Variants in ZNF486 observed in about 807,000 individuals in gnomAD.
ZNF486 encodes zinc finger protein 486.
In ZNF486, 12 loss-of-function variants were observed where a neutral mutation model predicts 12.8. That is an observed-to-expected ratio of 0.94 (90% confidence interval 0.60 to 1.52). ZNF486 has a LOEUF of 1.52. Among genes scored for constraint, ZNF486 ranks in the 40% most tolerant of loss-of-function variants. The probability of loss-of-function intolerance (pLI) is 0.00; values close to 1 mark genes in which losing one functional copy is unlikely to be tolerated. For missense variants in ZNF486, 738 were observed against 545.0 expected (o/e 1.35, Z -3.53); for synonymous variants, 231 against 184.9 (o/e 1.25, Z -2.02).
intron 3 of ZNF486, among the ~76,000 whole-genome samples, chr19:20,186,801 T>TTTTTG (rs2089852474): frequency 6.7e-6 from 1 of 150,166 alleles, no homozygotes; most frequent in Non-Finnish European, 1.5e-5. Context: ...TTTTTTTTTT[T>TTTTTG]GAGAAGGAGT....
intron 3 of ZNF486, chr19:20,188,585 G>T (rs1440213213): frequency 5.0e-6 from 2 of 397,458 alleles, no homozygotes; most frequent in East Asian, 7.1e-5. Context: ...TTGGGAGATG[G>T]AGGGGGAGTC....
chr19:20,168,441 G>A (rs2089609273), intron 1 of ZNF486, among the ~76,000 whole-genome samples: 1 of 152,174 alleles, frequency 6.6e-6, no homozygotes, highest in Non-Finnish European at 1.5e-5. Flanking sequence ...GATCACCTGA[G>A]TTCGGGAGTT....
rs782362883 is a variant in ZNF486 at position 20,184,421 on chromosome 19, T to A, written c.96T>A (p.Thr32=). The A allele has an allele frequency of 1.1e-5, 17 of 1,613,680 alleles. No individual in the cohort carries two copies. The South Asian group carries it at 1.8e-4, about 17-fold the overall frequency. ...FSLEEWHCLD[T]AQQNLYRDVM... Reference sequence around the variant, plus strand: ...TGGAGGAGTGGCATTGCCTGGACACTGCACAGCAGAATTTATATAGGGATG... The same window carrying A: ...TGGAGGAGTGGCATTGCCTGGACACAGCACAGCAGAATTTATATAGGGATG... Residue 32 remains threonine (T), a synonymous_variant, in exon 2 of 4, where the codon ACT becomes ACA. Transcript: ENST00000335117.
Position 20,174,261 on chromosome 19 carries a change from A to G in ZNF486, c.30+6901A>G, listed in dbSNP as rs550289894. 3.9e-5 allele frequency among the ~76,000 whole-genome samples: 6 copies of G among 152,360 alleles called. No homozygotes were observed. In the South Asian group the frequency reaches 1.2e-3, roughly 32 times the overall value. On this transcript the variant is annotated intron_variant, in intron 1 of 3. Transcript: ENST00000335117. ...AAAAGAAGAACAGTTCAGTGCGTAA[A>G]CTGAACAGTGGAGTCTGTAGTTGTG...
At chr19:20,181,230 T>A (rs561232692) in intron 1 of ZNF486, among the ~76,000 whole-genome samples, 5 of 150,652 alleles carry the variant, frequency 3.3e-5, no homozygotes, top group African/African-American at 1.2e-4. Flanking sequence ...ATTCCCTGAA[T>A]CCCAAAAGCA....
chr19:20,186,700 T>C (rs1555716510), intron 3 of ZNF486, among the ~76,000 whole-genome samples: 1 of 151,968 alleles, frequency 6.6e-6, no homozygotes, highest in African/African-American at 2.4e-5. Flanking sequence ...GCAATTTTGA[T>C]AGGAGGTTTA....
At position 20,194,722 on chromosome 19, in the gene ZNF486, C is replaced by CT. The variant is rs554613918; in HGVS notation, c.254-2241dup. ...CAGCTTGTGCAACAAGATTGAAACTCTGTCTAAAAAAAAAAAATTCTCTGG... is the reference window on the plus strand; with the variant it reads ...CAGCTTGTGCAACAAGATTGAAACTCTTGTCTAAAAAAAAAAAATTCTCTGG... On this transcript the variant is annotated intron_variant, in intron 3 of 3. Coordinates refer to ENST00000335117, the MANE Select transcript of ZNF486 (RefSeq NM_052852.4). Among the ~76,000 whole-genome samples, 150 of 151,658 alleles carry CT rather than the reference C, an allele frequency of 9.9e-4. 3 individuals carry two copies. In the South Asian group the frequency reaches 0.028, roughly 28 times the overall value.
intron 3 of ZNF486, among the ~76,000 whole-genome samples, chr19:20,190,789 T>C (rs947502557): frequency 2.6e-5 from 4 of 152,214 alleles, no homozygotes; most frequent in Non-Finnish European, 4.4e-5. Flanking sequence ...GAGTTTTGCT[T>C]GTGTCTGTGA....
At chr19:20,176,221 T>G (rs985737247) in intron 1 of ZNF486, 37 of 183,446 alleles carry the variant, frequency 2.0e-4, no homozygotes, top group African/African-American at 2.4e-4. Context: ...CCACATCTCA[T>G]ACGATGGGCG....
At chr19:20,172,289 C>T (rs1463943431) in intron 1 of ZNF486, among the ~76,000 whole-genome samples, 1 of 150,814 alleles carries the variant, frequency 6.6e-6, no homozygotes, top group Admixed American at 6.6e-5. Flanking sequence ...AGGTGTGAGC[C>T]ACTGCACCTA....
intron 3 of ZNF486, among the ~76,000 whole-genome samples, chr19:20,192,866 C>T (rs782102269): frequency 3.9e-5 from 6 of 152,192 alleles, no homozygotes; most frequent in Admixed American, 6.5e-5. Flanking sequence ...CCTAAGATTA[C>T]ATTTGATTTT....
intron 1 of ZNF486, chr19:20,175,375 G>C (rs782668976): frequency 1.6e-5 from 2 of 122,214 alleles, no homozygotes; most frequent in African/African-American, 6.6e-5. Flanking sequence ...GGTGTTTCTC[G>C]CAGAGGGGGA....
chr19:20,186,281 TAAGGA>T (rs2089845345), intron 3 of ZNF486, among the ~76,000 whole-genome samples, 199 bp downstream of exon 3: 1 of 152,202 alleles, frequency 6.6e-6, no homozygotes, highest in Non-Finnish European at 1.5e-5. Flanking sequence ...TTAAATTCTC[TAAGGA>T]TTCTACTATT....
chr19:20,179,820 T>C lies in ZNF486; in HGVS notation c.31-4536T>C, dbSNP rs1177411625. Among the ~76,000 whole-genome samples the C allele has an allele frequency of 2.6e-5, 4 of 152,218 alleles. No homozygotes were observed. In the South Asian group the frequency reaches 6.2e-4, roughly 24 times the overall value. ...TGATGTGAGAGGCTCCAGGAGGAAATAGAATCTGATGGCAGAATCTGTAAG... is the reference window on the plus strand; with the variant it reads ...TGATGTGAGAGGCTCCAGGAGGAAACAGAATCTGATGGCAGAATCTGTAAG... On this transcript the variant is annotated intron_variant, in intron 1 of 3. Coordinates refer to ENST00000335117, the MANE Select transcript of ZNF486 (RefSeq NM_052852.4).
At position 20,184,347 on chromosome 19, in the gene ZNF486, G is replaced by T. The variant is rs782748918; in HGVS notation, c.31-9G>T. ...TTGGTGAAAATGTGTGTGTGTGTGTGTTTTTCAGGAATCATTGCAATTTAG... is the reference window on the plus strand; with the variant it reads ...TTGGTGAAAATGTGTGTGTGTGTGTTTTTTTCAGGAATCATTGCAATTTAG... On this transcript the variant is annotated splice_polypyrimidine_tract_variant and intron_variant, in intron 1 of 3. Transcript: ENST00000335117. 1.9e-6 allele frequency: 3 copies of T among 1,609,436 alleles called. No individual in the cohort carries two copies. The highest frequency in any genetic ancestry group is 1.7e-5 in the Admixed American group (1 of 59,814).
chr19:20,197,000 A>G lies in ZNF486; in HGVS notation c.290A>G (p.Glu97Gly). The G allele has an allele frequency of 2.5e-6, 4 of 1,593,312 alleles. No homozygotes were observed. Among genetic ancestry groups the G allele is most frequent in the Non-Finnish European group, 3.4e-6 (4 of 1,172,526 alleles). The change falls in exon 4 of 4, where the codon GAG (glutamate) becomes GGG (glycine). Residue 97 changes from glutamate to glycine, a missense_variant. By Grantham distance (98) the Glu-to-Gly change is moderately conservative. Transcript: ENST00000335117. ...CATTTTGCCCAAGACCTTTGGCCAG[A>G]GCAGAGCATAAAAGATTCTTACCAA... is the stretch of plus-strand genomic sequence containing the variant. ...CSHFAQDLWPEQSIKDSYQKV... is the reference protein window; with the variant it reads ...CSHFAQDLWPGQSIKDSYQKV...
rs2089993128 is a variant in ZNF486 at position 20,199,432 on chromosome 19, TTAGA to T, written c.*1333_*1336del. On this transcript the variant is annotated 3_prime_UTR_variant, in exon 4 of 4. Transcript: ENST00000335117. ...AATGTAATGAGTTTGGAAACACTTC[TTAGA>T]TAAATTATTTGTGGCTGGGCACAGT... 1 of 152,178 alleles carries T rather than the reference TTAGA, an allele frequency of 6.6e-6. No homozygotes were observed. The highest frequency in any genetic ancestry group is 2.1e-4 in the South Asian group (1 of 4,826). The allele number at this position is 152,178 out of a possible 1,614,324, so 9.4% of individuals were successfully genotyped here.
At position 20,197,521 on chromosome 19, in the gene ZNF486, T is replaced by C. The variant is rs781832459; in HGVS notation, c.811T>C (p.Cys271Arg). 6.2e-7 allele frequency: 1 copy of C among 1,612,650 alleles called. No individual in the cohort carries two copies. The highest frequency in any genetic ancestry group is 1.3e-5 in the African/African-American group (1 of 74,964). ...AGAGAAACCCTACATTTGTGAAGAA[T>C]GTGGCAAAGCCTTTATGTACCCCTA... is the stretch of plus-strand genomic sequence containing the variant. The part of the protein sequence containing the change: ...SGEKPYICEE[C>R]GKAFMYPYTL... The change falls in exon 4 of 4, where the codon TGT becomes CGT. Residue 271 changes from cysteine (C) to arginine (R), a missense_variant. By Grantham distance (180) the Cys-to-Arg change is radical. Transcript: ENST00000335117.
Position 20,171,208 on chromosome 19 carries a change from T to A in ZNF486, c.30+3848T>A, listed in dbSNP as rs578039356. Among the ~76,000 whole-genome samples, 4 of 152,302 alleles carry A rather than the reference T, an allele frequency of 2.6e-5. No homozygotes were observed. In the East Asian group the frequency reaches 7.7e-4, roughly 29 times the overall value. ...GGAACAAAACTCTGGGTGTTTGGGA[T>A]TGGGAGGCTCCACTCTCCTGTACAC... On this transcript the variant is annotated intron_variant, in intron 1 of 3. Transcript: ENST00000335117.
Sources: allele counts gnomAD v4.1 joint callset (sites outside exome capture counted in the v4.1 genomes callset), GRCh38; gene constraint gnomAD v4.1.1; transcripts MANE v1.5; gene names NCBI Gene and HGNC (gene_info 2026-07-23, HGNC 2026-07-21).